IRF2: variants seen among roughly 807,000 people sequenced by gnomAD.
IRF2 encodes interferon regulatory factor 2.
IRF2 carries 15 observed loss-of-function variants against 40.6 expected under a neutral mutation model. The ratio of observed to expected loss-of-function variants is 0.37; its 90% CI spans 0.25 to 0.57. The LOEUF is 0.57. Ranked by LOEUF, IRF2 falls within the 20% of genes least tolerant of loss-of-function variation. The probability of loss-of-function intolerance (pLI) is 0.77; values close to 1 mark genes in which losing one functional copy is unlikely to be tolerated. For synonymous variants in IRF2, 151 were observed against 165.5 expected, an observed-to-expected ratio of 0.91 and a Z score of 0.67; for missense variants, 317 against 455.7, an observed-to-expected ratio of 0.70 and a Z score of 2.77.
At chr4:184,429,670 T>C (rs1305192143) in intron 1 of IRF2, among the ~76,000 whole-genome samples, 1 of 152,240 alleles carries the variant, frequency 6.6e-6, no homozygotes, top group African/African-American at 2.4e-5. Flanking sequence ...GTATCTCCTT[T>C]GCTTTTGCTT....
At chr4:184,397,433 GACA>G (rs1430336507) in intron 7 of IRF2, among the ~76,000 whole-genome samples, 1 of 151,946 alleles carries the variant, frequency 6.6e-6, no homozygotes, top group Non-Finnish European at 1.5e-5. Context: ...TGATGGCTGC[GACA>G]ACATTAATGC....
chr4:184,399,209 G>A (rs905713681), intron 6 of IRF2, 130 bp from the exon 7 acceptor site: 8 of 943,758 alleles, frequency 8.5e-6, no homozygotes, highest in Non-Finnish European at 1.2e-5. Context: ...CCTGCCATGG[G>A]GCTGAAGAAC....
Position 184,463,063 on chromosome 4 carries a change from G to C in IRF2, c.-7+11316C>G, listed in dbSNP as rs368535855. On this transcript the variant is annotated intron_variant, in intron 1 of 8. Coordinates refer to ENST00000393593, the MANE Select transcript of IRF2 (RefSeq NM_002199.4). ...ATCTAAGATTTTCATAACAGTTCAA[G>C]AGTCTAGAATGAAACATTCATCTCA... Among the ~76,000 whole-genome samples, 17 of 152,226 alleles carry C rather than the reference G, an allele frequency of 1.1e-4. No individual in the cohort carries two copies. The East Asian group carries it at 1.3e-3, about 12-fold the overall frequency.
At chr4:184,463,390 G>A (rs1739211464) in intron 1 of IRF2, among the ~76,000 whole-genome samples, 1 of 152,184 alleles carries the variant, frequency 6.6e-6, no homozygotes, top group Non-Finnish European at 1.5e-5. Context: ...CTTGGAATGT[G>A]GCTGGGCTGA....
chr4:184,451,274 A>G (rs1342129011), intron 1 of IRF2, among the ~76,000 whole-genome samples: 3 of 152,218 alleles, frequency 2.0e-5, no homozygotes, highest in African/African-American at 7.2e-5. Context: ...ATCAGCTTCT[A>G]CATTTGCAGG....
intron 1 of IRF2, among the ~76,000 whole-genome samples, chr4:184,429,325 C>T (rs1221094747): frequency 1.3e-5 from 2 of 152,136 alleles, no homozygotes; most frequent in African/African-American, 2.4e-5. Flanking sequence ...ACATTGGAGA[C>T]CAGGACCCAC....
intron 1 of IRF2, among the ~76,000 whole-genome samples, chr4:184,443,584 T>C (rs1462894263): frequency 6.6e-6 from 1 of 150,740 alleles, no homozygotes; most frequent in Non-Finnish European, 1.5e-5. Context: ...ATAGTGTATA[T>C]ATACCATATT....
At chr4:184,473,306 G>GGTCCCCGGAGGCTCCCCGCCCC (rs1427253913) in intron 1 of IRF2, among the ~76,000 whole-genome samples, 5 of 149,804 alleles carry the variant, frequency 3.3e-5, no homozygotes, top group Admixed American at 3.3e-4. Flanking sequence ...TGCGCCGCTC[G>GGTCCCCGGAGGCTCCCCGCCCC]GTCCCCGGAG....
chr4:184,443,459 C>T (rs930792836), intron 1 of IRF2, among the ~76,000 whole-genome samples: 6 of 152,152 alleles, frequency 3.9e-5, no homozygotes, highest in Admixed American at 1.3e-4. Context: ...TAAGTGAGAA[C>T]ATGTGGTAGT....
rs186860246 is a variant in IRF2 at position 184,455,496 on chromosome 4, C to T, written c.-7+18883G>A. On this transcript the variant is annotated intron_variant, in intron 1 of 8. Coordinates refer to ENST00000393593, the MANE Select transcript of IRF2 (RefSeq NM_002199.4). ...GCTTACAGCTTCAGGTACTTGGCAA[C>T]GGGCTTATCTCTGTATAAAGTCCTG... 5.9e-5 allele frequency among the ~76,000 whole-genome samples: 9 copies of T among 151,502 alleles called. No individual in the cohort carries two copies. In the East Asian group the frequency reaches 1.6e-3, roughly 26 times the overall value.
At chr4:184,405,921 G>T (rs866575504) in intron 6 of IRF2, among the ~76,000 whole-genome samples, 5 of 152,294 alleles carry the variant, frequency 3.3e-5, no homozygotes, top group Middle Eastern at 3.4e-3. Context: ...TGGTGACTGA[G>T]GAGTGGCCCC....
intron 5 of IRF2, among the ~76,000 whole-genome samples, chr4:184,415,526 C>T (rs966272338): frequency 3.3e-5 from 5 of 152,212 alleles, no homozygotes; most frequent in African/African-American, 1.2e-4. Flanking sequence ...CTAAGATGTA[C>T]ATTTCCTCGC....
chr4:184,468,999 C>T (rs1033476329), intron 1 of IRF2, among the ~76,000 whole-genome samples: 3 of 152,154 alleles, frequency 2.0e-5, no homozygotes. Flanking sequence ...GTTCATGCAC[C>T]TTCCACCGCA....
intron 2 of IRF2, among the ~76,000 whole-genome samples, chr4:184,423,778 C>T (rs6827840): frequency 0.1 from 15,800 of 151,812 alleles, 937 homozygotes; most frequent in East Asian, 0.26. Flanking sequence ...AAGTCAATGG[C>T]GAGAAGGAAA....
At chr4:184,440,398 C>A (rs186990645) in intron 1 of IRF2, among the ~76,000 whole-genome samples, 1 of 152,216 alleles carries the variant, frequency 6.6e-6, no homozygotes, top group African/African-American at 2.4e-5. Flanking sequence ...TACAAGACTA[C>A]GTAGGCTTAT....
chr4:184,389,770 G>A (rs1561078659), intron 8 of IRF2, among the ~76,000 whole-genome samples: 1 of 152,136 alleles, frequency 6.6e-6, no homozygotes, highest in Admixed American at 6.5e-5. Context: ...GTGGCACAGC[G>A]ACTCGGTCCC....
chr4:184,425,389 C>T (rs1737630782), intron 2 of IRF2, among the ~76,000 whole-genome samples: 1 of 152,252 alleles, frequency 6.6e-6, no homozygotes, highest in Non-Finnish European at 1.5e-5. Context: ...TGACCCCAGC[C>T]GAGGCCTGCA....
chr4:184,453,736 C>A (rs1169152586), intron 1 of IRF2, among the ~76,000 whole-genome samples: 1 of 152,170 alleles, frequency 6.6e-6, no homozygotes, highest in Non-Finnish European at 1.5e-5. Context: ...GCCATGCTGG[C>A]TTGAGGAGGA....
chr4:184,470,462 C>G (rs1237190269), intron 1 of IRF2, among the ~76,000 whole-genome samples: 2 of 152,104 alleles, frequency 1.3e-5, no homozygotes, highest in Admixed American at 6.5e-5. Flanking sequence ...GGGCAGATCA[C>G]CTGAGGTCAG....
Sources: allele counts gnomAD v4.1 joint callset (sites outside exome capture counted in the v4.1 genomes callset), GRCh38; gene constraint gnomAD v4.1.1; transcripts MANE v1.5; gene names NCBI Gene and HGNC (gene_info 2026-07-23, HGNC 2026-07-21).